MACF1: variants seen among roughly 807,000 people sequenced by gnomAD.
The protein encoded by MACF1 is microtubule-actin cross-linking factor 1.
MACF1 carries 193 observed loss-of-function variants against 854.8 expected under a neutral mutation model. The observed-to-expected ratio is 0.23, with a 90% CI of 0.20 to 0.25. The LOEUF (loss-of-function observed/expected upper bound fraction) is 0.25, where lower values mean the gene tolerates loss of function less well. MACF1 is among the 10% of genes least tolerant of loss of function. MACF1 has a pLI of 1.00. For missense variants in MACF1, 7,722 were observed against 8,929.1 expected (o/e 0.86, Z 5.45); for synonymous variants, 3,185 against 3,226.7 (o/e 0.99, Z 0.44).
intron 49 of MACF1, among the ~76,000 whole-genome samples, chr1:39,367,071 C>T (rs560453937): frequency 1.1e-4 from 17 of 151,860 alleles, no homozygotes; most frequent in African/African-American, 2.9e-4. Flanking sequence ...CCTTAGCCTC[C>T]CAAGCAGCTG....
chr1:39,124,049 ATTT>A (rs1009496081), intron 2 of MACF1, among the ~76,000 whole-genome samples: 1 of 123,232 alleles, frequency 8.1e-6, no homozygotes, highest in Non-Finnish European at 1.7e-5. Context: ...CAATTCTTGT[ATTT>A]TTTTTTTTTT....
chr1:39,163,991 A>T (rs746592076), intron 2 of MACF1, among the ~76,000 whole-genome samples: 1 of 152,048 alleles, frequency 6.6e-6, no homozygotes, highest in Non-Finnish European at 1.5e-5. Flanking sequence ...TGTGTATATA[A>T]TGTTGCTTTT....
chr1:39,295,092 T>C lies in MACF1; in HGVS notation c.2201T>C (p.Leu734Pro). The change falls in exon 19 of 101, where the codon CTA becomes CCA. Residue 734 changes from leucine (L) to proline (P), a missense_variant. This residue lies in a region of MACF1 where 1,137 missense variants were observed against 1,263.0 expected (regional missense o/e 0.90). Coordinates refer to ENST00000564288, the MANE Select transcript of MACF1 (RefSeq NM_001394062.1). ...GAGAAACAGGATGTGTTTCGTTCTC[T>C]ACAAGATACAGCAGAACTACTTTCA... ...LEEKQDVFRS[L>P]QDTAELLSLE... 6.2e-7 allele frequency: 1 copy of C among 1,614,142 alleles called. No homozygotes were observed. The highest frequency in any genetic ancestry group is 8.5e-7 in the Non-Finnish European group (1 of 1,179,996).
chr1:39,413,806 G>C, intron 58 of MACF1: 1 of 1,612,108 alleles, frequency 6.2e-7, no homozygotes, highest in Non-Finnish European at 8.5e-7. Flanking sequence ...CACCCCAGCA[G>C]AATCTGCCTC....
At chr1:39,442,678 C>G in intron 77 of MACF1, 36 bp from the exon 78 acceptor site, 1 of 1,610,680 alleles carries the variant, frequency 6.2e-7, no homozygotes, top group Non-Finnish European at 8.5e-7. Context: ...TAGATGATAT[C>G]CATAGAGATA....
In MACF1 at chr1:39,287,569, G is replaced by T; in HGVS notation, c.1785+7G>T. 6.2e-7 allele frequency: 1 copy of T among 1,614,072 alleles called. No individual in the cohort carries two copies. Among genetic ancestry groups the T allele is most frequent in the Non-Finnish European group, 8.5e-7 (1 of 1,179,936 alleles). On this transcript the variant is annotated splice_region_variant and intron_variant, in intron 15 of 100. Transcript: ENST00000564288. Reference sequence around the variant, plus strand: ...TTGGGTAGAAGAGATGCAGGTGGGTGCATATCCAAAAGCTTATGCAGTACA... The same window carrying T: ...TTGGGTAGAAGAGATGCAGGTGGGTTCATATCCAAAAGCTTATGCAGTACA...
chr1:39,434,336 G>GTA, intron 68 of MACF1, 78 bp from the exon 69 acceptor site: 1 of 673,714 alleles, frequency 1.5e-6, no homozygotes, highest in Non-Finnish European at 2.5e-6. Context: ...ACTTTTTAAT[G>GTA]TATATATACC....
At chr1:39,122,548 C>T (rs886998272) in intron 2 of MACF1, among the ~76,000 whole-genome samples, 1 of 152,092 alleles carries the variant, frequency 6.6e-6, no homozygotes, top group African/African-American at 2.4e-5. Context: ...CCACTGTGCT[C>T]GGCTGGTAGT....
intron 6 of MACF1, among the ~76,000 whole-genome samples, chr1:39,265,880 T>A (rs1645225141): frequency 1.3e-5 from 2 of 152,214 alleles, no homozygotes; most frequent in African/African-American, 2.4e-5. Flanking sequence ...AAGTACTTTA[T>A]GGACATTATC....
chr1:39,109,742 ACTGT>A (rs1283085968), intron 2 of MACF1, among the ~76,000 whole-genome samples: 1 of 152,204 alleles, frequency 6.6e-6, no homozygotes, highest in African/African-American at 2.4e-5. Flanking sequence ...ACTTAAAATT[ACTGT>A]CTAAGAGCCA....
chr1:39,470,262 C>G (rs556473298), intron 97 of MACF1, among the ~76,000 whole-genome samples: 3 of 152,290 alleles, frequency 2.0e-5, no homozygotes, highest in South Asian at 4.2e-4. Flanking sequence ...AGATATGCCC[C>G]TAAGTAGTTC....
At chr1:39,189,028 A>G (rs987862505) in intron 2 of MACF1, among the ~76,000 whole-genome samples, 1 of 152,220 alleles carries the variant, frequency 6.6e-6, no homozygotes, top group South Asian at 2.1e-4. Flanking sequence ...GTGAGCCATC[A>G]TGCCCGGCCC....
At chr1:39,214,082 G>A (rs565349603) in intron 1 of MACF1, among the ~76,000 whole-genome samples, 1 of 152,242 alleles carries the variant, frequency 6.6e-6, no homozygotes, top group East Asian at 1.9e-4. Context: ...TTTCCTAGGT[G>A]CTGCCCCTCC....
chr1:39,317,124 C>G (rs1341408403), intron 28 of MACF1, 90 bp from the exon 29 acceptor site: 1 of 1,268,224 alleles, frequency 7.9e-7, no homozygotes, highest in African/African-American at 1.5e-5. Flanking sequence ...GTGGAAATAG[C>G]TGTAGACCGT....
chr1:39,136,669 G>A (rs774126988), intron 2 of MACF1, among the ~76,000 whole-genome samples: 4 of 151,968 alleles, frequency 2.6e-5, no homozygotes, highest in Non-Finnish European at 5.9e-5. Flanking sequence ...AAGCTACTCA[G>A]GATGATTTTA....
chr1:39,476,569 T>TC (rs948844912), intron 97 of MACF1, among the ~76,000 whole-genome samples: 7 of 136,168 alleles, frequency 5.1e-5, no homozygotes, highest in African/African-American at 1.8e-4. Context: ...AGACTCTGTC[T>TC]CAAAAAAAAA....
At chr1:39,301,733 T>G (rs1464139888) in intron 22 of MACF1, among the ~76,000 whole-genome samples, 1 of 148,554 alleles carries the variant, frequency 6.7e-6, no homozygotes, top group Admixed American at 6.7e-5. Flanking sequence ...CGTTTGTTTG[T>G]TTTTTTTTTC....
chr1:39,379,503 G>A (rs1649996453), intron 54 of MACF1, 59 bp downstream of exon 54: 3 of 1,543,448 alleles, frequency 1.9e-6, no homozygotes, highest in South Asian at 2.6e-5. Context: ...CTGTACCAGT[G>A]TTCCTGCCCA....
chr1:39,472,346 A>G (rs1407495308), intron 97 of MACF1, among the ~76,000 whole-genome samples: 1 of 152,212 alleles, frequency 6.6e-6, no homozygotes, highest in Non-Finnish European at 1.5e-5. Context: ...AGTTCGAGAA[A>G]AATGTTTACT....
Sources: gnomAD v4.1 joint callset for allele counts (sites outside exome capture counted in the v4.1 genomes callset) on GRCh38, gnomAD v4.1.1 for gene constraint, gnomAD v4.1.1 regional missense constraint, MANE v1.5 for transcripts, NCBI Gene and HGNC (gene_info 2026-07-23, HGNC 2026-07-21) for gene names.